ANKLE2: variants seen among roughly 807,000 people sequenced by gnomAD.
ANKLE2 encodes ankyrin repeat and LEM domain containing 2.
In ANKLE2, 55 loss-of-function variants were observed where a neutral mutation model predicts 84.2. The observed-to-expected ratio is 0.65, with a 90% CI of 0.53 to 0.82. The LOEUF (loss-of-function observed/expected upper bound fraction) is 0.82, where lower values mean the gene tolerates loss of function less well. Ranked by LOEUF, ANKLE2 falls within the 40% of genes least tolerant of loss-of-function variation. ANKLE2 has a pLI of 0.00. For missense variants in ANKLE2, 1,238 were observed against 1,201.9 expected, an observed-to-expected ratio of 1.03 and a Z score of -0.44; for synonymous variants, 551 against 486.1, an observed-to-expected ratio of 1.13 and a Z score of -1.76.
At chr12:132,748,448 A>G in intron 3 of ANKLE2, 117 bp from the exon 4 acceptor site, 1 of 1,175,990 alleles carries the variant, frequency 8.5e-7, no homozygotes, top group Non-Finnish European at 1.2e-6. Context: ...GCCAACTGGG[A>G]GGCACAGGTG....
chr12:132,725,912 A>C lies in ANKLE2; in HGVS notation c.*1330T>G, dbSNP rs2043690927. ...TAACAAAATCGAATTTTAACATTTA[A>C]ATCTTGATTCCAATATTCCTGACCT... On this transcript the variant is annotated 3_prime_UTR_variant, in exon 13 of 13. Coordinates refer to ENST00000357997, the MANE Select transcript of ANKLE2 (RefSeq NM_015114.3). 1 of 152,238 alleles carries C rather than the reference A, an allele frequency of 6.6e-6. No individual in the cohort carries two copies. Among genetic ancestry groups the C allele is most frequent in the Admixed American group, 6.5e-5 (1 of 15,286 alleles). The allele number at this position is 152,238 out of a possible 1,614,324, so 9.4% of individuals were successfully genotyped here.
chr12:132,727,300 G>T lies in ANKLE2; in HGVS notation c.2759C>A (p.Pro920His). The change falls in exon 13 of 13, where the codon CCC becomes CAC. Residue 920 changes from proline (P) to histidine (H), a missense_variant. Transcript: ENST00000357997. ...PGLGSPGRYS[P>H]VHGSQLRRMA... Reference sequence around the variant, plus strand: ...CCTGCGGAGCTGGCTCCCGTGCACGGGGCTGTAGCGCCCAGGACTGCCCAG... The same window carrying T: ...CCTGCGGAGCTGGCTCCCGTGCACGTGGCTGTAGCGCCCAGGACTGCCCAG... 1 of 1,565,602 alleles carries T rather than the reference G, an allele frequency of 6.4e-7. No individual in the cohort carries two copies. The highest frequency in any genetic ancestry group is 8.7e-7 in the Non-Finnish European group (1 of 1,155,808).
intron 1 of ANKLE2, chr12:132,757,337 G>T (rs1258401332): frequency 6.6e-6 from 1 of 152,274 alleles, no homozygotes; most frequent in Non-Finnish European, 1.5e-5. Context: ...CCTGTAAAGG[G>T]CGAGAGAGTA....
intron 10 of ANKLE2, chr12:132,730,527 A>C: frequency 2.2e-6 from 1 of 448,522 alleles, no homozygotes; most frequent in Non-Finnish European, 4.0e-6. Context: ...CTCCAGACAC[A>C]ATCAGGCTGC....
intron 10 of ANKLE2, 66 bp from the exon 11 acceptor site, chr12:132,730,336 CATCCAT>C: frequency 1.8e-6 from 1 of 565,472 alleles, no homozygotes; most frequent in South Asian, 3.7e-5. Context: ...TGCTCCGCCC[CATCCAT>C]GACCAACTGC....
chr12:132,761,442 C>T, intron 1 of ANKLE2, 176 bp downstream of exon 1: 1 of 509,012 alleles, frequency 2.0e-6, no homozygotes. Flanking sequence ...AGCCAAGTCC[C>T]CGCAACTGCC....
rs2043718849 is a variant in ANKLE2, at chr12:132,727,329, T to C, written c.2730A>G (p.Pro910=). The C allele has an allele frequency of 1.9e-6, 3 of 1,563,040 alleles. No homozygotes were observed. The highest frequency in any genetic ancestry group is 1.4e-5 in the African/African-American group (1 of 73,668). The change falls in exon 13 of 13, where the codon CCA becomes CCG. Residue 910 remains proline, a synonymous_variant. Coordinates refer to ENST00000357997, the MANE Select transcript of ANKLE2 (RefSeq NM_015114.3). ...TGTAGCGCCCAGGACTGCCCAGGCCTGGCTTTGCGGGGTTGCTTCCAGCCA... is the reference window on the plus strand; with the variant it reads ...TGTAGCGCCCAGGACTGCCCAGGCCCGGCTTTGCGGGGTTGCTTCCAGCCA... ...NSVAGSNPAK[P]GLGSPGRYSP...
At chr12:132,738,960 T>C (rs2044067978) in intron 7 of ANKLE2, 1 of 152,172 alleles carries the variant, frequency 6.6e-6, no homozygotes, top group East Asian at 1.9e-4. Flanking sequence ...TCCTCTGAAG[T>C]AACATGGCTG....
At chr12:132,727,690 G>GCCCGGA (rs2043736922) in intron 12 of ANKLE2, among the ~76,000 whole-genome samples, 2 of 151,220 alleles carry the variant, frequency 1.3e-5, no homozygotes, top group Admixed American at 6.6e-5. Flanking sequence ...GGGCACATGC[G>GCCCGGA]TCTGGGTGGA....
chr12:132,752,849 A>C (rs1243303380), intron 2 of ANKLE2, among the ~76,000 whole-genome samples: 1 of 152,066 alleles, frequency 6.6e-6, no homozygotes, highest in Non-Finnish European at 1.5e-5. Context: ...TTCCAATGCT[A>C]AATCTTCTTT....
intron 2 of ANKLE2, 102 bp downstream of exon 2, chr12:132,754,573 A>AT (rs1479276071): frequency 2.5e-6 from 3 of 1,224,440 alleles, no homozygotes; most frequent in East Asian, 4.8e-5. Flanking sequence ...AGGGGATTGG[A>AT]TTTTTTCCTT....
intron 1 of ANKLE2, chr12:132,755,613 T>C (rs140597645): frequency 0.077 from 11,604 of 150,530 alleles, 1,319 homozygotes; most frequent in African/African-American, 0.25. Context: ...CAGGCTGGAG[T>C]GCAGTGGTGC....
rs531169989 is a variant in ANKLE2, at chr12:132,743,330, C to T, written c.1231-54G>A. ...TATTCACACTTGTCTCATGAGGTTG[C>T]TCTAAGGTGAAAATACATATTCATT... On this transcript the variant is annotated intron_variant, in intron 5 of 12. Transcript: ENST00000357997. This position sits in a 1 kb window ranked among gnomAD's most constrained non-coding sequence, Gnocchi z 4.1. 4 of 1,528,742 alleles carry T rather than the reference C, an allele frequency of 2.6e-6. No homozygotes were observed. The African/African-American group carries it at 4.2e-5, about 16-fold the overall frequency. 94.7% of individuals were successfully genotyped at this position (1,528,742 alleles called of 1,614,324 possible). A position where few individuals can be genotyped will look rare whatever the true frequency, so the allele number is the denominator to read the frequency against.
Position 132,761,739 on chromosome 12 carries a change from G to A in ANKLE2, c.60C>T (p.Gly20=). The A allele has an allele frequency of 2.3e-6, 3 of 1,306,986 alleles. No individual in the cohort carries two copies. The highest frequency in any genetic ancestry group is 3.0e-5 in the Admixed American group (1 of 33,636). The allele number at this position is 1,306,986 out of a possible 1,614,324, so 81.0% of individuals were successfully genotyped here. The change falls in exon 1 of 13, where the codon GGC becomes GGT. Residue 20 remains glycine, a synonymous_variant. Coordinates refer to ENST00000357997, the MANE Select transcript of ANKLE2 (RefSeq NM_015114.3). ...EWAALAWELL[G]ASVLLIAVRW... is the part of the protein sequence containing the mutation. ...GCACAGCGATCAGCAGCACCGAGGC[G>A]CCCAGCAGCTCCCAGGCCAGCGCCG... is the stretch of plus-strand genomic sequence containing the variant.
At chr12:132,736,645 C>G (rs1285125601) in intron 8 of ANKLE2, among the ~76,000 whole-genome samples, 2 of 152,240 alleles carry the variant, frequency 1.3e-5, no homozygotes, top group African/African-American at 4.8e-5. Flanking sequence ...CAGGGAATGT[C>G]TGCTTTGTTG....
At chr12:132,749,224 C>G (rs7959015) in intron 3 of ANKLE2, among the ~76,000 whole-genome samples, 1 of 152,130 alleles carries the variant, frequency 6.6e-6, no homozygotes, top group African/African-American at 2.4e-5. Flanking sequence ...GGCGCGATCT[C>G]AGCTCACTGC....
chr12:132,727,032 C>A lies in ANKLE2; in HGVS notation c.*210G>T. On this transcript the variant is annotated 3_prime_UTR_variant, in exon 13 of 13. Transcript: ENST00000357997. ...TGGATATTTTCCAGAAAATTGGTAA[C>A]TGAGTTTGCTTTCATTAACTTCTAA... The A allele has an allele frequency of 1.7e-6, 1 of 599,836 alleles. No individual in the cohort carries two copies. Among genetic ancestry groups the A allele is most frequent in the Non-Finnish European group, 2.7e-6 (1 of 369,290 alleles). The allele number at this position is 599,836 out of a possible 1,614,324, so 37.2% of individuals were successfully genotyped here. A position where few individuals can be genotyped will look rare whatever the true frequency, so the allele number is the denominator to read the frequency against.
chr12:132,758,945 CA>C (rs2044544505), intron 1 of ANKLE2: 1 of 80,216 alleles, frequency 1.2e-5, no homozygotes, highest in African/African-American at 3.8e-5. Flanking sequence ...GTGGATCACG[CA>C]GTGTGGCACC....
rs1192524849 is a variant in ANKLE2, at chr12:132,725,559, C to G, written c.*1683G>C. On this transcript the variant is annotated 3_prime_UTR_variant, in exon 13 of 13. Coordinates refer to ENST00000357997, the MANE Select transcript of ANKLE2 (RefSeq NM_015114.3). Reference sequence around the variant, plus strand: ...GTGAAGGACATAACCCCCCGGGACACACGAGAATGCCTCCGTTGGGACTGG... The same window carrying G: ...GTGAAGGACATAACCCCCCGGGACAGACGAGAATGCCTCCGTTGGGACTGG... 1.3e-5 allele frequency: 2 copies of G among 152,192 alleles called. No individual in the cohort carries two copies. The highest frequency in any genetic ancestry group is 2.9e-5 in the Non-Finnish European group (2 of 68,036). 9.4% of individuals were successfully genotyped at this position (152,192 alleles called of 1,614,324 possible). A position where few individuals can be genotyped will look rare whatever the true frequency, so the allele number is the denominator to read the frequency against.
Sources: gnomAD v4.1 joint callset for allele counts (sites outside exome capture counted in the v4.1 genomes callset) on GRCh38, gnomAD v4.1.1 for gene constraint, Gnocchi (gnomAD v3.1) non-coding constraint, MANE v1.5 for transcripts, NCBI Gene and HGNC (gene_info 2026-07-23, HGNC 2026-07-21) for gene names.